Variants in PTPRN2 observed in about 807,000 individuals in gnomAD.
PTPRN2 encodes protein tyrosine phosphatase receptor type N2.
PTPRN2 carries 74 observed loss-of-function variants against 118.8 expected under a neutral mutation model. That is an observed-to-expected ratio of 0.62 (90% CI 0.52 to 0.76). The LOEUF (loss-of-function observed/expected upper bound fraction) is 0.76, where lower values mean the gene tolerates loss of function less well. Ranked by LOEUF, PTPRN2 falls within the 30% of genes least tolerant of loss-of-function variation. The pLI is 0.00. For missense variants in PTPRN2, 1,481 were observed against 1,394.4 expected, an observed-to-expected ratio of 1.06 and a Z score of -0.99; for synonymous variants, 641 against 608.0, an observed-to-expected ratio of 1.05 and a Z score of -0.80.
At chr7:157,864,969 T>C (rs1810536068) in intron 12 of PTPRN2, 1 of 152,226 alleles carries the variant, frequency 6.6e-6, no homozygotes, top group Admixed American at 6.5e-5. Flanking sequence ...GGGGTCGTGG[T>C]AGGACCTGTG....
chr7:157,813,446 T>G lies in PTPRN2; in HGVS notation c.1788+85227A>C, dbSNP rs745651605. Among the ~76,000 whole-genome samples, 1 of 152,134 alleles carries G rather than the reference T, an allele frequency of 6.6e-6. No homozygotes were observed. Among genetic ancestry groups the G allele is most frequent in the Non-Finnish European group, 1.5e-5 (1 of 68,024 alleles). On this transcript the variant is annotated intron_variant, in intron 12 of 22. Coordinates refer to ENST00000389418, the MANE Select transcript of PTPRN2 (RefSeq NM_002847.5). This position sits in a 1 kb window ranked among gnomAD's most constrained non-coding sequence, Gnocchi z 4.7. Reference sequence around the variant, plus strand: ...CCATTCAGGTCCCCAAAACAGCATGTGCAGCTCTCGTTAAATGGAAAAGGC... The same window carrying G: ...CCATTCAGGTCCCCAAAACAGCATGGGCAGCTCTCGTTAAATGGAAAAGGC...
intron 11 of PTPRN2, among the ~76,000 whole-genome samples, chr7:158,063,477 AG>A (rs889100793): frequency 8.5e-5 from 13 of 152,212 alleles, no homozygotes; most frequent in South Asian, 2.1e-4. Flanking sequence ...GGGCCAGATA[AG>A]GGGAAAAAAG....
At chr7:158,469,583 C>A (rs1210097774) in intron 2 of PTPRN2, among the ~76,000 whole-genome samples, 1 of 152,186 alleles carries the variant, frequency 6.6e-6, no homozygotes, top group African/African-American at 2.4e-5. Context: ...CCCCTGTGGT[C>A]AGCAGCTTGC....
intron 19 of PTPRN2, among the ~76,000 whole-genome samples, chr7:157,576,328 CTTTG>C (rs1800038123): frequency 6.6e-6 from 1 of 152,194 alleles, no homozygotes; most frequent in Non-Finnish European, 1.5e-5. Context: ...ACTTTAGGCT[CTTTG>C]TCAACTGAAG....
chr7:158,071,460 G>GTGCTCGTGGTGGTGGAGA (rs1811629100), intron 11 of PTPRN2, among the ~76,000 whole-genome samples: 2 of 133,270 alleles, frequency 1.5e-5, no homozygotes, highest in Admixed American at 7.4e-5. Flanking sequence ...CGTGGTTGAG[G>GTGCTCGTGGTGGTGGAGA]TGCTCGTGGT....
chr7:157,608,639 C>T (rs776456137), intron 15 of PTPRN2, among the ~76,000 whole-genome samples: 5 of 152,106 alleles, frequency 3.3e-5, no homozygotes, highest in African/African-American at 1.2e-4. Context: ...CCTTGACGTG[C>T]GAGGCCTGTG....
chr7:157,797,101 C>G (rs897571523), intron 12 of PTPRN2, among the ~76,000 whole-genome samples: 7 of 152,212 alleles, frequency 4.6e-5, no homozygotes, highest in Admixed American at 4.6e-4. Flanking sequence ...GCACCGAAAT[C>G]CCAGCCCTCA....
chr7:158,302,998 T>C (rs1017201794), intron 3 of PTPRN2, among the ~76,000 whole-genome samples: 7 of 152,176 alleles, frequency 4.6e-5, no homozygotes, highest in Non-Finnish European at 8.8e-5. Flanking sequence ...TGTAAAAATG[T>C]AAAACAAAAA....
chr7:157,904,178 G>T (rs957556399), intron 11 of PTPRN2, among the ~76,000 whole-genome samples: 10 of 152,152 alleles, frequency 6.6e-5, no homozygotes, highest in Admixed American at 3.3e-4. Flanking sequence ...AGCTATCAAG[G>T]TCTTCCTCCC....
At chr7:158,268,587 TGTGAAATATCCCAGCCGCAG>T (rs1798063084) in intron 3 of PTPRN2, among the ~76,000 whole-genome samples, 1 of 114,456 alleles carries the variant, frequency 8.7e-6, no homozygotes, top group African/African-American at 3.5e-5. Flanking sequence ...ACAGGGCGGG[TGTGAAATATCCCAGCCGCAG>T]GCACACAGGG....
chr7:157,590,574 C>A lies in PTPRN2; in HGVS notation c.2496+4664G>T, dbSNP rs1358188829. Among the ~76,000 whole-genome samples, 1 of 152,194 alleles carries A rather than the reference C, an allele frequency of 6.6e-6. No homozygotes were observed. The highest frequency in any genetic ancestry group is 1.5e-5 in the Non-Finnish European group (1 of 68,044). On this transcript the variant is annotated intron_variant, in intron 17 of 22. Transcript: ENST00000389418. The surrounding 1 kb of genome is among the most constrained non-coding windows in gnomAD (Gnocchi z 4.0). ...CACCATGTGTGCAGTGAGTGGTGAC[C>A]CTCCGTGGATTTTCGTGCACGTTCT...
At chr7:157,882,814 A>AC (rs1170668371) in intron 12 of PTPRN2, among the ~76,000 whole-genome samples, 1 of 137,934 alleles carries the variant, frequency 7.2e-6, no homozygotes, top group Non-Finnish European at 1.6e-5. Context: ...AGAACACACC[A>AC]CCCCCCAAAA....
At chr7:158,110,258 G>A (rs911992505) in intron 10 of PTPRN2, among the ~76,000 whole-genome samples, 29 of 152,232 alleles carry the variant, frequency 1.9e-4, no homozygotes, top group African/African-American at 7.0e-4. Context: ...TGCACGCATG[G>A]TTCCTCAAGC....
In PTPRN2 at chr7:157,884,662, C is replaced by T. The variant is rs1796354009; in HGVS notation, c.1788+14011G>A. Among the ~76,000 whole-genome samples, 3 of 152,348 alleles carry T rather than the reference C, an allele frequency of 2.0e-5. No individual in the cohort carries two copies. In the South Asian group the frequency reaches 6.2e-4, roughly 32 times the overall value. On this transcript the variant is annotated intron_variant, in intron 12 of 22. Coordinates refer to ENST00000389418, the MANE Select transcript of PTPRN2 (RefSeq NM_002847.5). ...AGGCCTCACAAGGTCAGAGGCACATCTCACAGGGTGGCAGACAAGAGAGAG... is the reference window on the plus strand; with the variant it reads ...AGGCCTCACAAGGTCAGAGGCACATTTCACAGGGTGGCAGACAAGAGAGAG...
At chr7:157,656,940 A>C (rs1402428701) in intron 13 of PTPRN2, among the ~76,000 whole-genome samples, 1 of 144,786 alleles carries the variant, frequency 6.9e-6, no homozygotes, top group Non-Finnish European at 1.5e-5. Flanking sequence ...CACACACACC[A>C]CACACATCAC....
At chr7:158,424,843 G>T (rs973166307) in intron 2 of PTPRN2, among the ~76,000 whole-genome samples, 5 of 152,112 alleles carry the variant, frequency 3.3e-5, no homozygotes, top group African/African-American at 1.2e-4. Context: ...GGGCCCAGGG[G>T]CATTAACCAT....
At position 157,621,429 on chromosome 7, in the gene PTPRN2, G is replaced by C. The variant is rs141442242; in HGVS notation, c.2277C>G (p.Pro759=). The change falls in exon 15 of 23, where the codon CCC becomes CCG. Residue 759 remains proline (P), a synonymous_variant. Transcript: ENST00000389418. The part of the protein sequence containing the change: ...WEALCAYQAE[P]NSSFVAQREE... ...CCCTCTGGGCCACGAACGAGCTGTT[G>C]GGCTCCGCCTGGTAGGCGCACAGCG... The C allele has an allele frequency of 1.2e-6, 2 of 1,614,092 alleles. No homozygotes were observed. Among genetic ancestry groups the C allele is most frequent in the Non-Finnish European group, 1.7e-6 (2 of 1,180,028 alleles).
At chr7:158,342,086 GGTGT>G in intron 2 of PTPRN2, among the ~76,000 whole-genome samples, 1 of 129,128 alleles carries the variant, frequency 7.7e-6, no homozygotes, top group African/African-American at 3.1e-5. Flanking sequence ...CACCAGAAGG[GGTGT>G]CACCTGCAGA....
intron 12 of PTPRN2, among the ~76,000 whole-genome samples, chr7:157,688,675 G>T (rs897534724): frequency 6.6e-6 from 1 of 152,214 alleles, no homozygotes; most frequent in Admixed American, 6.5e-5. Flanking sequence ...CAGGACTGGG[G>T]GGGTTACCGC....
Sources: allele counts gnomAD v4.1 joint callset (sites outside exome capture counted in the v4.1 genomes callset), GRCh38; gene constraint gnomAD v4.1.1; non-coding constraint Gnocchi (gnomAD v3.1); transcripts MANE v1.5; gene names NCBI Gene and HGNC (gene_info 2026-07-23, HGNC 2026-07-21).